FHIT: variants seen among roughly 807,000 people sequenced by gnomAD.
The protein encoded by FHIT is fragile histidine triad diadenosine triphosphatase.
Under a neutral mutation model 17.9 loss-of-function variants are expected in FHIT, and 19 were observed. The observed-to-expected ratio is 1.06, with a 90% CI of 0.74 to 1.56. The LOEUF (loss-of-function observed/expected upper bound fraction) is 1.56. Ranked by LOEUF, FHIT falls within the 40% of genes most tolerant of loss-of-function variation. FHIT has a pLI of 0.00. For synonymous variants in FHIT, 81 were observed against 69.7 expected, an observed-to-expected ratio of 1.16 and a Z score of -0.81; for missense variants, 248 against 189.2, an observed-to-expected ratio of 1.31 and a Z score of -1.82.
At chr3:60,470,026 C>G (rs1432512926) in intron 5 of FHIT, among the ~76,000 whole-genome samples, 3 of 120,382 alleles carry the variant, frequency 2.5e-5, no homozygotes, top group Non-Finnish European at 4.9e-5. Flanking sequence ...GTCTCTGTCT[C>G]TCTGTCTCTC....
At chr3:60,657,442 G>A (rs2040143838) in intron 4 of FHIT, among the ~76,000 whole-genome samples, 1 of 152,140 alleles carries the variant, frequency 6.6e-6, no homozygotes, top group Admixed American at 6.5e-5. Flanking sequence ...TGAGCTCCTT[G>A]TCCTGGGTCC....
intron 5 of FHIT, among the ~76,000 whole-genome samples, chr3:60,040,985 G>A (rs1413045757): frequency 6.7e-6 from 1 of 149,082 alleles, no homozygotes; most frequent in Non-Finnish European, 1.5e-5. Flanking sequence ...AAGCTAGAAA[G>A]GGGGGTTTAC....
chr3:59,899,245 C>G (rs17061422), intron 8 of FHIT, among the ~76,000 whole-genome samples: 3,093 of 152,292 alleles, frequency 0.02, 119 homozygotes, highest in African/African-American at 0.07. Context: ...TGATGTAGGT[C>G]AAACACTGAA....
intron 3 of FHIT, among the ~76,000 whole-genome samples, chr3:60,863,009 C>CACATGAGGTTGTAAAA (rs1369478494): frequency 6.6e-6 from 1 of 152,076 alleles, no homozygotes; most frequent in Non-Finnish European, 1.5e-5. Context: ...CTACCCTAGT[C>CACATGAGGTTGTAAAA]ACATGAGGTT....
At chr3:60,319,245 A>T (rs1709307723) in intron 5 of FHIT, among the ~76,000 whole-genome samples, 1 of 152,030 alleles carries the variant, frequency 6.6e-6, no homozygotes. Context: ...ATACTAGTTC[A>T]TTCTTTGTTC....
At chr3:60,889,618 G>C (rs1559803870) in intron 3 of FHIT, among the ~76,000 whole-genome samples, 1 of 152,178 alleles carries the variant, frequency 6.6e-6, no homozygotes, top group African/African-American at 2.4e-5. Flanking sequence ...CTGTAGCTTA[G>C]AAGCTTTCAT....
intron 5 of FHIT, among the ~76,000 whole-genome samples, chr3:60,295,150 T>G (rs949686156): frequency 2.0e-5 from 3 of 152,008 alleles, no homozygotes; most frequent in Admixed American, 1.3e-4. Context: ...CTCAGAAGGC[T>G]GAGGTGAAAA....
At chr3:60,589,178 G>T (rs2734369) in intron 4 of FHIT, among the ~76,000 whole-genome samples, 108,607 of 151,774 alleles carry the variant, frequency 0.72, 39,779 homozygotes, top group South Asian at 0.89. Context: ...TTTTTATATA[G>T]AGAGAGAAAA....
rs112606561 is a variant in FHIT at position 60,841,563 on chromosome 3, A to T, written c.-110-19552T>A. On this transcript the variant is annotated intron_variant, in intron 3 of 9. Coordinates refer to ENST00000492590, the MANE Select transcript of FHIT (RefSeq NM_002012.4). Reference sequence around the variant, plus strand: ...TATCTTGCCCAAAGTTGAAAAGTGAAGACACTGGACAAATAACAGATATTT... The same window carrying T: ...TATCTTGCCCAAAGTTGAAAAGTGATGACACTGGACAAATAACAGATATTT... 4.7e-4 allele frequency among the ~76,000 whole-genome samples: 72 copies of T among 152,376 alleles called. 1 individual carries two copies. Among genetic ancestry groups the T allele is most frequent in the Middle Eastern group, 3.4e-3 (1 of 294 alleles).
intron 4 of FHIT, among the ~76,000 whole-genome samples, chr3:60,552,485 A>C (rs533499959): frequency 1.3e-5 from 2 of 152,000 alleles, no homozygotes; most frequent in African/African-American, 4.8e-5. Context: ...CCTCACCAAC[A>C]CCCCACTCCC....
chr3:60,595,148 C>A (rs1553665812), intron 4 of FHIT, among the ~76,000 whole-genome samples: 1 of 152,032 alleles, frequency 6.6e-6, no homozygotes, highest in Non-Finnish European at 1.5e-5. Context: ...CAGATTGATT[C>A]ATCTGCATTA....
At position 60,258,253 on chromosome 3, in the gene FHIT, G is replaced by A. The variant is rs559217253; in HGVS notation, c.104-244101C>T. Reference sequence around the variant, plus strand: ...ATCCCATGAAACACTCTGTGACAACGTTCAACTTTACCTGAGCCCTGTGCT... The same window carrying A: ...ATCCCATGAAACACTCTGTGACAACATTCAACTTTACCTGAGCCCTGTGCT... On this transcript the variant is annotated intron_variant, in intron 5 of 9. Coordinates refer to ENST00000492590, the MANE Select transcript of FHIT (RefSeq NM_002012.4). Among the ~76,000 whole-genome samples, 40 of 152,150 alleles carry A rather than the reference G, an allele frequency of 2.6e-4. 1 individual carries two copies. The Middle Eastern group carries it at 0.014, about 52-fold the overall frequency.
chr3:60,285,106 G>A (rs1334833274), intron 5 of FHIT, among the ~76,000 whole-genome samples: 1 of 152,038 alleles, frequency 6.6e-6, no homozygotes, highest in African/African-American at 2.4e-5. Flanking sequence ...AAAATGTCTA[G>A]AAGTACCCAG....
intron 4 of FHIT, among the ~76,000 whole-genome samples, chr3:60,702,169 G>C (rs1391949255): frequency 4.6e-5 from 7 of 152,146 alleles, no homozygotes; most frequent in African/African-American, 1.7e-4. Flanking sequence ...CAGCTGAAAA[G>C]ACACTTTTAC....
chr3:60,129,042 C>CCTTTTTTTTTT (rs1553692314), intron 5 of FHIT, among the ~76,000 whole-genome samples: 35 of 113,046 alleles, frequency 3.1e-4, no homozygotes, highest in African/African-American at 1.0e-3. Context: ...TTCTTCTTTC[C>CCTTTTTTTTTT]TTTTTTGTTT....
chr3:60,609,284 G>T (rs2038705906), intron 4 of FHIT, among the ~76,000 whole-genome samples: 2 of 151,968 alleles, frequency 1.3e-5, no homozygotes, highest in South Asian at 4.1e-4. Context: ...GTCTAAGGCT[G>T]CCTATTCCCT....
intron 7 of FHIT, among the ~76,000 whole-genome samples, chr3:59,952,318 T>C (rs893440758): frequency 2.6e-5 from 4 of 152,156 alleles, no homozygotes; most frequent in African/African-American, 7.2e-5. Context: ...GTATAAAACA[T>C]AGGTGGCCAT....
At chr3:60,516,857 T>C (rs943436656) in intron 5 of FHIT, among the ~76,000 whole-genome samples, 1 of 152,198 alleles carries the variant, frequency 6.6e-6, no homozygotes, top group Non-Finnish European at 1.5e-5. Flanking sequence ...ATTACACCCA[T>C]GTTATAATAG....
chr3:59,770,369 G>A (rs1327042207), intron 8 of FHIT, among the ~76,000 whole-genome samples: 1 of 152,162 alleles, frequency 6.6e-6, no homozygotes, highest in Non-Finnish European at 1.5e-5. Flanking sequence ...TTAAAAGAAG[G>A]GCATTAGGGT....
Sources: gnomAD v4.1 joint callset for allele counts (sites outside exome capture counted in the v4.1 genomes callset) on GRCh38, gnomAD v4.1.1 for gene constraint, MANE v1.5 for transcripts, NCBI Gene and HGNC (gene_info 2026-07-23, HGNC 2026-07-21) for gene names.